FSTL4: variants seen among roughly 807,000 people sequenced by gnomAD.
FSTL4 encodes the protein follistatin-related protein 4.
A neutral mutation model predicts 78.2 loss-of-function variants in FSTL4; 28 were observed. That is an observed-to-expected ratio of 0.36 (90% CI 0.27 to 0.49). The LOEUF is 0.49. Ranked by LOEUF, FSTL4 falls within the 20% of genes least tolerant of loss-of-function variation. The pLI, the probability that FSTL4 is intolerant of heterozygous loss-of-function variation, is 0.98. For missense variants in FSTL4, 922 were observed against 1,084.9 expected (o/e 0.85, Z 2.11); for synonymous variants, 422 against 440.5 (o/e 0.96, Z 0.53).
At chr5:133,717,874 A>T in the FSTL4 span, among the ~76,000 whole-genome samples, 1 of 152,234 alleles carries the variant, frequency 6.6e-6, no homozygotes, top group Non-Finnish European at 1.5e-5. Flanking sequence ...TAAAGCTGCT[A>T]TGAACTTTCA....
the FSTL4 span, among the ~76,000 whole-genome samples, chr5:133,712,122 G>A: frequency 6.6e-6 from 1 of 152,180 alleles, no homozygotes; most frequent in Non-Finnish European, 1.5e-5. Context: ...ATTCGGAGCA[G>A]GCAGTTAAAG....
intron 2 of FSTL4, among the ~76,000 whole-genome samples, chr5:133,595,784 G>T (rs1760725456): frequency 6.6e-6 from 1 of 152,206 alleles, no homozygotes; most frequent in South Asian, 2.1e-4. Flanking sequence ...CCTGAAAATG[G>T]TATTGTTATA....
the FSTL4 span, among the ~76,000 whole-genome samples, chr5:133,747,297 T>A: frequency 4.6e-5 from 7 of 152,206 alleles, no homozygotes; most frequent in Non-Finnish European, 8.8e-5. Flanking sequence ...TTTTCCTTCC[T>A]AACTTCAGCT....
the FSTL4 span, among the ~76,000 whole-genome samples, chr5:133,754,356 G>GAT: frequency 2.8e-3 from 422 of 151,800 alleles, 1 homozygote; most frequent in Middle Eastern, 0.01. Context: ...AGAGCTAAAA[G>GAT]ATATATATAT....
At chr5:133,733,746 C>T in the FSTL4 span, among the ~76,000 whole-genome samples, 2 of 152,194 alleles carry the variant, frequency 1.3e-5, no homozygotes, top group Non-Finnish European at 1.5e-5. Flanking sequence ...CTCATGGTTT[C>T]GTGTGTCAGG....
chr5:133,293,101 T>C (rs1753305787), intron 6 of FSTL4, among the ~76,000 whole-genome samples: 1 of 152,234 alleles, frequency 6.6e-6, no homozygotes, highest in African/African-American at 2.4e-5. Context: ...CCACTCCATC[T>C]CCACAGGGCC....
chr5:133,201,802 G>A, intron 15 of FSTL4, 131 bp downstream of exon 15: 2 of 575,420 alleles, frequency 3.5e-6, no homozygotes, highest in South Asian at 5.9e-5. Context: ...GTTCCTTCGT[G>A]ATGGGGTCCA....
intron 4 of FSTL4, among the ~76,000 whole-genome samples, chr5:133,332,306 A>C (rs1225855651): frequency 1.3e-5 from 2 of 152,250 alleles, no homozygotes; most frequent in Non-Finnish European, 2.9e-5. Context: ...CAATGACTCC[A>C]GCCTGCTCTC....
chr5:133,368,942 C>T (rs1307993749), intron 4 of FSTL4, among the ~76,000 whole-genome samples: 1 of 152,206 alleles, frequency 6.6e-6, no homozygotes, highest in Non-Finnish European at 1.5e-5. Flanking sequence ...TGCCAACTGG[C>T]TTTTTCTGCA....
At chr5:133,643,886 C>T in the FSTL4 span, among the ~76,000 whole-genome samples, 26,679 of 152,046 alleles carry the variant, frequency 0.18, 2,526 homozygotes, top group Admixed American at 0.25. Context: ...CGCAGCAATT[C>T]GGGAGAGGAT....
the FSTL4 span, among the ~76,000 whole-genome samples, chr5:133,796,352 G>T: frequency 6.6e-6 from 1 of 152,210 alleles, no homozygotes; most frequent in Admixed American, 6.5e-5. Flanking sequence ...AACCAGCTCA[G>T]TGGGCCCTCT....
At chr5:133,438,754 A>T (rs1227307945) in intron 3 of FSTL4, among the ~76,000 whole-genome samples, 1 of 152,236 alleles carries the variant, frequency 6.6e-6, no homozygotes, top group African/African-American at 2.4e-5. Context: ...GAAAACCCAC[A>T]TGCAAGATAT....
At chr5:133,730,520 C>A in the FSTL4 span, among the ~76,000 whole-genome samples, 1 of 152,170 alleles carries the variant, frequency 6.6e-6, no homozygotes, top group African/African-American at 2.4e-5. Flanking sequence ...CCAGACCCAG[C>A]CCAAATCACT....
At chr5:133,680,310 T>C in the FSTL4 span, among the ~76,000 whole-genome samples, 1 of 152,192 alleles carries the variant, frequency 6.6e-6, no homozygotes, top group East Asian at 1.9e-4. Flanking sequence ...CCGCACTCTA[T>C]AGCATGCGGC....
chr5:133,397,738 C>T (rs1315274467), intron 4 of FSTL4, among the ~76,000 whole-genome samples: 2 of 152,230 alleles, frequency 1.3e-5, no homozygotes, highest in African/African-American at 4.8e-5. Flanking sequence ...TCTTGCTCCA[C>T]ACACTCCAGC....
chr5:133,802,399 A>G, the FSTL4 span, among the ~76,000 whole-genome samples: 3 of 152,196 alleles, frequency 2.0e-5, no homozygotes, highest in Non-Finnish European at 2.9e-5. Flanking sequence ...CAGACACAGT[A>G]TCCAGGGAAA....
At chr5:133,788,631 C>T in the FSTL4 span, among the ~76,000 whole-genome samples, 1,740 of 152,350 alleles carry the variant, frequency 0.011, 27 homozygotes, top group African/African-American at 0.039. Context: ...CTCTCTCTCG[C>T]GGCAAACACA....
intron 1 of FSTL4, 141 bp from the exon 2 acceptor site, chr5:133,604,134 G>A (rs568673545): frequency 3.3e-6 from 2 of 612,912 alleles, no homozygotes; most frequent in East Asian, 2.7e-5. Flanking sequence ...ACCTTGGAGA[G>A]GTTATATTAC....
intron 6 of FSTL4, among the ~76,000 whole-genome samples, chr5:133,282,663 G>A (rs372080001): frequency 6.2e-4 from 95 of 152,202 alleles, no homozygotes; most frequent in African/African-American, 2.2e-3. Flanking sequence ...GACTGCTCTG[G>A]TGTACCCTGA....
Sources: gnomAD v4.1 joint callset for allele counts (sites outside exome capture counted in the v4.1 genomes callset) on GRCh38, gnomAD v4.1.1 for gene constraint, MANE v1.5 for transcripts, NCBI Gene and HGNC (gene_info 2026-07-23, HGNC 2026-07-21) for gene names.